The following CNTN5 variants were observed in gnomAD, a reference collection of about 807,000 sequenced individuals.
CNTN5 encodes contactin-5.
A neutral mutation model predicts 129.1 loss-of-function variants in CNTN5; 77 were observed. The ratio of observed to expected loss-of-function variants is 0.60; its 90% CI spans 0.50 to 0.72. The LOEUF (loss-of-function observed/expected upper bound fraction) is 0.72. Ranked by LOEUF, CNTN5 falls within the 30% of genes least tolerant of loss-of-function variation. The pLI is 0.00. For missense variants in CNTN5, 1,478 were observed against 1,328.8 expected, an observed-to-expected ratio of 1.11 and a Z score of -1.75; for synonymous variants, 509 against 465.6, an observed-to-expected ratio of 1.09 and a Z score of -1.20.
In CNTN5 at chr11:99,574,058, C is replaced by A. The variant is rs547212400; in HGVS notation, c.55+17789C>A. On this transcript the variant is annotated intron_variant, in intron 3 of 24. Transcript: ENST00000524871. ...CTCCTAATGCTATCACTCCCTATAC[C>A]CCCCACTCCCCGACAGGCCCAGGTG... is the stretch of plus-strand genomic sequence containing the variant. 7.2e-5 allele frequency among the ~76,000 whole-genome samples: 11 copies of A among 152,130 alleles called. No individual in the cohort carries two copies. In the South Asian group the frequency reaches 2.3e-3, roughly 32 times the overall value.
intron 1 of CNTN5, among the ~76,000 whole-genome samples, chr11:99,149,788 G>C (rs965078370): frequency 6.6e-6 from 1 of 151,776 alleles, no homozygotes; most frequent in African/African-American, 2.4e-5. Context: ...GTAAATATTT[G>C]ATCACACACA....
intron 6 of CNTN5, among the ~76,000 whole-genome samples, chr11:99,903,757 T>A (rs1380765498): frequency 2.0e-5 from 3 of 152,128 alleles, no homozygotes; most frequent in Non-Finnish European, 4.4e-5. Context: ...GAGAATATTT[T>A]CAAACTATTC....
intron 1 of CNTN5, among the ~76,000 whole-genome samples, chr11:99,107,349 G>A (rs891196641): frequency 6.6e-6 from 1 of 151,930 alleles, no homozygotes; most frequent in Non-Finnish European, 1.5e-5. Context: ...TCATTTGTTG[G>A]TTTTTTTAAA....
intron 4 of CNTN5, 155 bp from the exon 5 acceptor site, chr11:99,844,697 A>G (rs756041827): frequency 1.4e-5 from 9 of 646,802 alleles, no homozygotes; most frequent in Admixed American, 9.7e-5. Context: ...TAATAAAACA[A>G]TGCAGTTTTC....
intron 9 of CNTN5, among the ~76,000 whole-genome samples, chr11:100,014,970 G>C (rs182915980): frequency 6.6e-6 from 1 of 152,020 alleles, no homozygotes; most frequent in South Asian, 2.1e-4. Context: ...CCATTTAGGC[G>C]TTTTCCAAAG....
intron 2 of CNTN5, among the ~76,000 whole-genome samples, chr11:99,521,661 T>C (rs1021432040): frequency 2.0e-5 from 3 of 152,204 alleles, no homozygotes; most frequent in African/African-American, 4.8e-5. Context: ...TCCTCCTCCT[T>C]GCTCATTAAG....
In CNTN5 at chr11:99,621,268, A is replaced by G. The variant is rs371882145; in HGVS notation, c.55+64999A>G. 1.2e-4 allele frequency among the ~76,000 whole-genome samples: 18 copies of G among 152,328 alleles called. 1 individual carries two copies. In the South Asian group the frequency reaches 3.3e-3, roughly 28 times the overall value. ...CAGACAGAGCAGAAATGAGAAAAGC[A>G]ATCAGAGGTAATGATGTGGAAAAGC... On this transcript the variant is annotated intron_variant, in intron 3 of 24. Transcript: ENST00000524871.
chr11:99,662,520 AT>A (rs1250860930), intron 3 of CNTN5, among the ~76,000 whole-genome samples: 1 of 152,152 alleles, frequency 6.6e-6, no homozygotes, highest in Non-Finnish European at 1.5e-5. Context: ...GATTATGCTC[AT>A]TTTCTTCACA....
chr11:99,787,491 T>A (rs1226713239), intron 3 of CNTN5, among the ~76,000 whole-genome samples: 2 of 132,844 alleles, frequency 1.5e-5, no homozygotes, highest in Non-Finnish European at 3.2e-5. Flanking sequence ...AAGCTTTAGT[T>A]GCAAAGAGAA....
At chr11:99,157,406 C>G (rs556263220) in intron 1 of CNTN5, among the ~76,000 whole-genome samples, 5 of 152,064 alleles carry the variant, frequency 3.3e-5, no homozygotes, top group Admixed American at 2.0e-4. Context: ...TTTTAAAACC[C>G]TCACAGCAAT....
Position 99,827,775 on chromosome 11 carries a change from C to G in CNTN5, c.277+8010C>G, listed in dbSNP as rs950626344. The stretch of plus-strand genomic sequence containing the variant: ...TCCTTTATACAATTACTTTACCTCT[C>G]TATAGTATAATGTTAACAGTAATCA... On this transcript the variant is annotated intron_variant, in intron 4 of 24. Transcript: ENST00000524871. 2.6e-5 allele frequency among the ~76,000 whole-genome samples: 4 copies of G among 151,690 alleles called. No homozygotes were observed. In the Middle Eastern group the frequency reaches 0.01, roughly 390 times the overall value.
intron 2 of CNTN5, among the ~76,000 whole-genome samples, chr11:99,366,823 C>T (rs1207151623): frequency 6.6e-6 from 1 of 152,070 alleles, no homozygotes; most frequent in Non-Finnish European, 1.5e-5. Flanking sequence ...TCTCTGTGTG[C>T]ATTTTTTGTC....
At chr11:99,913,212 A>G (rs1205286045) in intron 6 of CNTN5, among the ~76,000 whole-genome samples, 1 of 151,964 alleles carries the variant, frequency 6.6e-6, no homozygotes, top group Non-Finnish European at 1.5e-5. Flanking sequence ...AGATGAACAA[A>G]CAGTTAAATT....
intron 4 of CNTN5, among the ~76,000 whole-genome samples, chr11:99,837,754 T>A (rs1032381990): frequency 2.0e-5 from 3 of 151,188 alleles, no homozygotes; most frequent in Admixed American, 2.0e-4. Context: ...TACACTAATA[T>A]AATTTTAACA....
At chr11:99,319,086 G>A (rs1290233936) in intron 1 of CNTN5, among the ~76,000 whole-genome samples, 5 of 151,956 alleles carry the variant, frequency 3.3e-5, no homozygotes, top group Non-Finnish European at 7.4e-5. Flanking sequence ...GCTCTGTGGG[G>A]GAAAAAGCAA....
intron 13 of CNTN5, among the ~76,000 whole-genome samples, chr11:100,075,721 G>A (rs1213071189): frequency 6.6e-6 from 1 of 152,114 alleles, no homozygotes. Flanking sequence ...AGGGAGAAGG[G>A]AGAAGGTCAA....
chr11:99,988,866 T>C (rs1302399320), intron 8 of CNTN5, among the ~76,000 whole-genome samples: 1 of 151,980 alleles, frequency 6.6e-6, no homozygotes, highest in Admixed American at 6.6e-5. Context: ...TGTGTGTGTG[T>C]GTGTGTGTGT....
At chr11:99,573,860 C>T (rs997876062) in intron 3 of CNTN5, among the ~76,000 whole-genome samples, 8 of 152,152 alleles carry the variant, frequency 5.3e-5, no homozygotes, top group Admixed American at 1.3e-4. Flanking sequence ...ACATGTTCTT[C>T]TACCACCGTC....
intron 1 of CNTN5, among the ~76,000 whole-genome samples, chr11:99,220,508 A>G (rs1230270019): frequency 6.6e-6 from 1 of 151,934 alleles, no homozygotes; most frequent in Non-Finnish European, 1.5e-5. Flanking sequence ...GAAATATACT[A>G]TACCAATAAA....
Sources: allele counts gnomAD v4.1 joint callset (sites outside exome capture counted in the v4.1 genomes callset), GRCh38; gene constraint gnomAD v4.1.1; transcripts MANE v1.5; gene names NCBI Gene and HGNC (gene_info 2026-07-23, HGNC 2026-07-21).